POU6F2: variants seen among roughly 807,000 people sequenced by gnomAD.
POU6F2 encodes POU domain, class 6, transcription factor 2.
In POU6F2, 31 loss-of-function variants were observed where a neutral mutation model predicts 71.3. The ratio of observed to expected loss-of-function variants is 0.43; its 90% CI spans 0.33 to 0.59. The LOEUF is 0.59. POU6F2 is among the 20% of genes least tolerant of loss of function. POU6F2 has a pLI of 0.04. For synonymous variants in POU6F2, 347 were observed against 355.7 expected, an observed-to-expected ratio of 0.98 and a Z score of 0.27; for missense variants, 783 against 856.8, an observed-to-expected ratio of 0.91 and a Z score of 1.07.
chr7:39,106,959 A>C (rs1397584189), intron 2 of POU6F2, among the ~76,000 whole-genome samples: 1 of 150,180 alleles, frequency 6.7e-6, no homozygotes, highest in Non-Finnish European at 1.5e-5. Flanking sequence ...GTGATTTTTG[A>C]CCATTGGTAA....
chr7:39,385,749 C>T (rs1786923886), intron 5 of POU6F2, among the ~76,000 whole-genome samples: 1 of 152,116 alleles, frequency 6.6e-6, no homozygotes, highest in African/African-American at 2.4e-5. Flanking sequence ...CTCACAGCCA[C>T]CTGCTGTCAG....
intron 2 of POU6F2, among the ~76,000 whole-genome samples, chr7:39,177,543 A>G (rs1377773633): frequency 2.0e-5 from 3 of 152,198 alleles, no homozygotes; most frequent in Admixed American, 6.5e-5. Context: ...AATCAACACT[A>G]TTTGTGTTGC....
At chr7:39,298,035 C>CA (rs1379690602) in intron 4 of POU6F2, among the ~76,000 whole-genome samples, 2 of 151,724 alleles carry the variant, frequency 1.3e-5, no homozygotes, top group South Asian at 2.1e-4. Flanking sequence ...ATCCAAAATC[C>CA]AAAAAAACCC....
chr7:38,999,429 C>T (rs777838913), intron 1 of POU6F2, among the ~76,000 whole-genome samples: 1 of 152,166 alleles, frequency 6.6e-6, no homozygotes, highest in Non-Finnish European at 1.5e-5. Context: ...TCAGAACTTA[C>T]AGCTCCCATA....
intron 5 of POU6F2, among the ~76,000 whole-genome samples, chr7:39,397,829 T>TATATATATATATATATATATAC (rs1787209525): frequency 6.9e-6 from 1 of 144,622 alleles, no homozygotes; most frequent in Non-Finnish European, 1.5e-5. Context: ...TATATATATA[T>TATATATATATATATATATATAC]ATATAGTAGA....
chr7:39,102,986 G>A (rs1235138099), intron 2 of POU6F2, among the ~76,000 whole-genome samples: 1 of 152,082 alleles, frequency 6.6e-6, no homozygotes, highest in East Asian at 1.9e-4. Context: ...GTCTGTTGTT[G>A]ACCAAAACTT....
At chr7:38,998,993 T>C (rs1788824274) in intron 1 of POU6F2, among the ~76,000 whole-genome samples, 1 of 151,664 alleles carries the variant, frequency 6.6e-6, no homozygotes, top group Non-Finnish European at 1.5e-5. Context: ...GATATAAGGG[T>C]GAGTTGGAAG....
intron 4 of POU6F2, among the ~76,000 whole-genome samples, chr7:39,315,911 A>T (rs4723856): frequency 0.68 from 103,332 of 152,132 alleles, 35,157 homozygotes; most frequent in Admixed American, 0.77. Context: ...ATTTGTCCCC[A>T]AATTAAATGG....
At position 39,220,500 on chromosome 7, in the gene POU6F2, C is replaced by T. The variant is rs572668946; in HGVS notation, c.598+12880C>T. 6.0e-4 allele frequency among the ~76,000 whole-genome samples: 92 copies of T among 152,122 alleles called. 2 individuals carry two copies. In the South Asian group the frequency reaches 0.019, roughly 32 times the overall value. ...GGACCAGATAAGGCATTTATGCAAC[C>T]GAAAACCCGAGCACCTGGTAAGAAT... On this transcript the variant is annotated intron_variant, in intron 4 of 9. Transcript: ENST00000518318.
intron 7 of POU6F2, among the ~76,000 whole-genome samples, chr7:39,446,198 C>A (rs1443549884): frequency 6.6e-6 from 1 of 152,228 alleles, no homozygotes; most frequent in East Asian, 1.9e-4. Flanking sequence ...CGAGACCCCT[C>A]TGGGTTGTAT....
At chr7:39,306,764 A>C (rs77867037) in intron 4 of POU6F2, among the ~76,000 whole-genome samples, 2 of 152,240 alleles carry the variant, frequency 1.3e-5, no homozygotes, top group Non-Finnish European at 2.9e-5. Context: ...TGCTATTTGC[A>C]TACGCTTTCA....
intron 1 of POU6F2, among the ~76,000 whole-genome samples, chr7:38,989,144 A>G (rs1194221593): frequency 1.3e-5 from 2 of 152,224 alleles, no homozygotes; most frequent in East Asian, 1.9e-4. Context: ...TAGGAGCCAC[A>G]CTAGCCTCAA....
At chr7:39,161,778 G>A (rs984463111) in intron 2 of POU6F2, among the ~76,000 whole-genome samples, 3 of 152,136 alleles carry the variant, frequency 2.0e-5, no homozygotes, top group African/African-American at 7.2e-5. Flanking sequence ...AAGAATAAGG[G>A]AAAAGAAAAA....
intron 5 of POU6F2, among the ~76,000 whole-genome samples, chr7:39,377,746 T>C (rs1786739009): frequency 6.6e-6 from 1 of 151,684 alleles, no homozygotes; most frequent in South Asian, 2.1e-4. Flanking sequence ...CCCCAGAAAT[T>C]CCCCCAAAGA....
intron 1 of POU6F2, among the ~76,000 whole-genome samples, chr7:38,983,184 A>G (rs1174639214): frequency 1.3e-5 from 2 of 152,156 alleles, no homozygotes; most frequent in Non-Finnish European, 2.9e-5. Flanking sequence ...ACAATGTGCA[A>G]AAAGATAAAT....
In POU6F2 at chr7:38,991,582, C is replaced by T. The variant is rs956428098; in HGVS notation, c.105+13524C>T. Among the ~76,000 whole-genome samples the T allele has an allele frequency of 4.6e-5, 7 of 152,160 alleles. No homozygotes were observed. In the East Asian group the frequency reaches 9.6e-4, roughly 21 times the overall value. ...ACTCTTGTCATGCACCAATGTAATA[C>T]AGAATTGCTCCTCGCATGGGTGAAA... On this transcript the variant is annotated intron_variant, in intron 1 of 9. Coordinates refer to ENST00000518318, the MANE Select transcript of POU6F2 (RefSeq NM_001370959.1).
chr7:39,367,767 G>GCACGTGCT (rs1472950516), intron 5 of POU6F2, among the ~76,000 whole-genome samples: 1 of 152,048 alleles, frequency 6.6e-6, no homozygotes, highest in African/African-American at 2.4e-5. Flanking sequence ...TTATCCAACA[G>GCACGTGCT]CACGTGCTCA....
intron 2 of POU6F2, among the ~76,000 whole-genome samples, chr7:39,153,191 A>ATG (rs756848903): frequency 1.3e-5 from 2 of 151,302 alleles, no homozygotes; most frequent in Non-Finnish European, 2.9e-5. Context: ...AAAAGATTTT[A>ATG]TATATATATA....
intron 2 of POU6F2, among the ~76,000 whole-genome samples, chr7:39,127,033 C>T (rs1792153816): frequency 6.6e-6 from 1 of 152,064 alleles, no homozygotes; most frequent in Non-Finnish European, 1.5e-5. Context: ...TTAATTTTAA[C>T]AATATATTTT....
Sources: allele counts gnomAD v4.1 joint callset (sites outside exome capture counted in the v4.1 genomes callset), GRCh38; gene constraint gnomAD v4.1.1; transcripts MANE v1.5; gene names NCBI Gene and HGNC (gene_info 2026-07-23, HGNC 2026-07-21).